Variants in GLYR1 observed in about 807,000 individuals in gnomAD.
GLYR1 encodes the protein glyoxylate reductase 1 homolog, also known as cytokine-like nuclear factor N-PAC.
A neutral mutation model predicts 72.7 loss-of-function variants in GLYR1; 21 were observed. That is an observed-to-expected ratio of 0.29 (90% CI 0.20 to 0.42). The LOEUF is 0.42. GLYR1 is among the 10% of genes least tolerant of loss of function. The pLI is 1.00. For synonymous variants in GLYR1, 392 were observed against 270.2 expected, an observed-to-expected ratio of 1.45 and a Z score of -4.42; for missense variants, 594 against 712.1, an observed-to-expected ratio of 0.83 and a Z score of 1.89.
At chr16:4,806,754 C>A (rs2141934107) in intron 15 of GLYR1, among the ~76,000 whole-genome samples, 1 of 151,746 alleles carries the variant, frequency 6.6e-6, no homozygotes. Context: ...AAAAAGAATG[C>A]AGAGGCAAAG....
intron 9 of GLYR1, among the ~76,000 whole-genome samples, chr16:4,818,156 A>G (rs1203337527): frequency 3.9e-5 from 6 of 152,066 alleles, no homozygotes; most frequent in Non-Finnish European, 8.8e-5. Context: ...CACCATGCCC[A>G]GCTAATTTTT....
At chr16:4,808,128 T>C (rs2083105137) in intron 15 of GLYR1, among the ~76,000 whole-genome samples, 1 of 149,874 alleles carries the variant, frequency 6.7e-6, no homozygotes, top group Non-Finnish European at 1.5e-5. Context: ...TCCAGCTACT[T>C]GGGAGGCTGA....
In GLYR1 at chr16:4,832,691, G is replaced by T. The variant is rs1020880292; in HGVS notation, c.294+83C>A. The T allele has an allele frequency of 2.1e-6, 3 of 1,428,586 alleles. No homozygotes were observed. The East Asian group carries it at 7.2e-5, about 34-fold the overall frequency. The allele number at this position is 1,428,586 out of a possible 1,614,324, so 88.5% of individuals were successfully genotyped here. A position where few individuals can be genotyped will look rare whatever the true frequency, so the allele number is the denominator to read the frequency against. ...GCATTTCAGAAGAACAAAGGTTTGC[G>T]TTTGGGTGACATTTAATCTGTTAGT... On this transcript the variant is annotated intron_variant, in intron 4 of 15. Coordinates refer to ENST00000321919, the MANE Select transcript of GLYR1 (RefSeq NM_032569.4).
chr16:4,828,726 A>C (rs2084592807), intron 5 of GLYR1, among the ~76,000 whole-genome samples: 1 of 152,130 alleles, frequency 6.6e-6, no homozygotes, highest in Admixed American at 6.5e-5. Context: ...CACTCATTTA[A>C]CTAACACAGT....
intron 15 of GLYR1, among the ~76,000 whole-genome samples, chr16:4,809,539 G>A (rs1012004652): frequency 2.0e-5 from 3 of 150,212 alleles, no homozygotes; most frequent in African/African-American, 7.3e-5. Flanking sequence ...GTGAACCCGG[G>A]AGACGAAGCT....
At position 4,804,969 on chromosome 16, in the gene GLYR1, G is replaced by C. The variant is rs2082886366; in HGVS notation, c.*267C>G. On this transcript the variant is annotated 3_prime_UTR_variant, in exon 16 of 16. Coordinates refer to ENST00000321919, the MANE Select transcript of GLYR1 (RefSeq NM_032569.4). ...TGTGTGTGTGTGTGTGTGTGTGTGTGTGAACACACAGCCACCTCGTCCGGG... is the reference window on the plus strand; with the variant it reads ...TGTGTGTGTGTGTGTGTGTGTGTGTCTGAACACACAGCCACCTCGTCCGGG... The C allele has an allele frequency of 1.9e-6, 1 of 540,490 alleles. No individual in the cohort carries two copies. The allele number at this position is 540,490 out of a possible 1,614,324, so 33.5% of individuals were successfully genotyped here.
intron 3 of GLYR1, among the ~76,000 whole-genome samples, chr16:4,834,654 C>A (rs1313649480): frequency 2.0e-5 from 3 of 151,940 alleles, no homozygotes; most frequent in Non-Finnish European, 2.9e-5. Context: ...CTAGTAGAGA[C>A]GGGGTTTCCC....
At chr16:4,839,011 C>T (rs1228418243) in intron 3 of GLYR1, among the ~76,000 whole-genome samples, 1 of 152,192 alleles carries the variant, frequency 6.6e-6, no homozygotes. Context: ...TTCAGTCTCC[C>T]AAGTAGCTGA....
chr16:4,846,887 G>A (rs2086159210), intron 1 of GLYR1: 1 of 379,754 alleles, frequency 2.6e-6, no homozygotes, highest in East Asian at 6.0e-5. Context: ...TGCTTTCTGG[G>A]AAGCCCCAAC....
chr16:4,817,822 C>T, intron 9 of GLYR1, 125 bp from the exon 10 acceptor site: 4 of 676,618 alleles, frequency 5.9e-6, no homozygotes, highest in African/African-American at 3.5e-5. Flanking sequence ...CTGCCAGAAA[C>T]AGCAGTGGCC....
intron 12 of GLYR1, among the ~76,000 whole-genome samples, chr16:4,812,786 T>C (rs112036394): frequency 0.12 from 17,588 of 149,002 alleles, 1,256 homozygotes; most frequent in Admixed American, 0.19. Context: ...CCACCACGCC[T>C]GGCCGGAATT....
At chr16:4,846,971 T>C in intron 1 of GLYR1, 1 of 515,290 alleles carries the variant, frequency 1.9e-6, no homozygotes, top group South Asian at 2.5e-5. Context: ...CGCCAGTATC[T>C]GGGCCCCGAG....
rs532003195 is a variant in GLYR1, at chr16:4,805,810, TA to T, written c.1588-501del. 5.9e-3 allele frequency among the ~76,000 whole-genome samples: 857 copies of T among 144,846 alleles called. 1 individual carries two copies. Among genetic ancestry groups the T allele is most frequent in the African/African-American group, 7.3e-3 (290 of 39,730 alleles). The stretch of plus-strand genomic sequence containing the variant: ...GGTGACCGTCGTGAAACCCCTTCTT[TA>T]AAAAAAAAAAATACAAAAAATTAGC... On this transcript the variant is annotated intron_variant, in intron 15 of 15. Coordinates refer to ENST00000321919, the MANE Select transcript of GLYR1 (RefSeq NM_032569.4).
intron 1 of GLYR1, 144 bp from the exon 2 acceptor site, chr16:4,846,354 C>A: frequency 7.0e-6 from 6 of 858,770 alleles, no homozygotes; most frequent in Middle Eastern, 2.2e-4. Flanking sequence ...GGGCCCAACA[C>A]CCTCAGAAGT....
intron 7 of GLYR1, 110 bp from the exon 8 acceptor site, chr16:4,821,707 T>C (rs2084037682): frequency 1.0e-6 from 1 of 986,004 alleles, no homozygotes; most frequent in African/African-American, 1.6e-5. Flanking sequence ...ATCAACTATT[T>C]GTTTTATACT....
chr16:4,823,981 T>G, intron 5 of GLYR1, 74 bp from the exon 6 acceptor site: 1 of 1,229,986 alleles, frequency 8.1e-7, no homozygotes, highest in Non-Finnish European at 1.2e-6. Flanking sequence ...CTCCACAGTC[T>G]AAGGGAAAGT....
At chr16:4,813,690 C>T (rs770928215) in intron 12 of GLYR1, 47 bp downstream of exon 12, 3 of 1,487,682 alleles carry the variant, frequency 2.0e-6, no homozygotes, top group Non-Finnish European at 2.8e-6. Context: ...GGGTCTTGGG[C>T]TCTGATAGAA....
At chr16:4,831,781 C>T (rs2084816547) in intron 5 of GLYR1, among the ~76,000 whole-genome samples, 198 bp downstream of exon 5, 1 of 152,232 alleles carries the variant, frequency 6.6e-6, no homozygotes, top group East Asian at 1.9e-4. Flanking sequence ...AGCCATCTTC[C>T]TGACTCAGCC....
Position 4,805,208 on chromosome 16 carries a change from G to A in GLYR1, c.*28C>T. The A allele has an allele frequency of 6.2e-7, 1 of 1,604,514 alleles. No homozygotes were observed. Among genetic ancestry groups the A allele is most frequent in the South Asian group, 1.1e-5 (1 of 90,534 alleles). On this transcript the variant is annotated 3_prime_UTR_variant, in exon 16 of 16. Coordinates refer to ENST00000321919, the MANE Select transcript of GLYR1 (RefSeq NM_032569.4). ...GGAAGAGGGGGTCAGAGGGGGGATT[G>A]GAGGGGTGAGGGCGGGGTGTCGACA...
Sources: gnomAD v4.1 joint callset for allele counts (sites outside exome capture counted in the v4.1 genomes callset) on GRCh38, gnomAD v4.1.1 for gene constraint, MANE v1.5 for transcripts, NCBI Gene and HGNC (gene_info 2026-07-23, HGNC 2026-07-21) for gene names.